CARMIL2: variants seen among roughly 807,000 people sequenced by gnomAD.
CARMIL2 encodes the protein capping protein regulator and myosin 1 linker 2.
In CARMIL2, 96 loss-of-function variants were observed where a neutral mutation model predicts 173.3. The ratio of observed to expected loss-of-function variants is 0.55; its 90% confidence interval spans 0.47 to 0.66. CARMIL2 has a LOEUF of 0.66. Among genes scored for constraint, CARMIL2 ranks in the 30% least tolerant of loss-of-function variants. CARMIL2 has a pLI of 0.00. For synonymous variants in CARMIL2, 830 were observed against 817.1 expected (o/e 1.02, Z -0.27); for missense variants, 1,771 against 1,906.7 (o/e 0.93, Z 1.33).
rs752246007 is a variant in CARMIL2 at position 67,652,254 on chromosome 16, C to G, written c.2732C>G (p.Pro911Arg). 6.2e-7 allele frequency: 1 copy of G among 1,613,188 alleles called. No homozygotes were observed. The highest frequency in any genetic ancestry group is 1.1e-5 in the South Asian group (1 of 91,086). Reference protein sequence around the residue: ...TVTMPPALPAPDGGEPSLLEP... With the variant: ...TVTMPPALPARDGGEPSLLEP... ...ACAATGCCCCCTGCCCTACCAGCAC[C>G]GGATGGAGGTGAGCCCAGCCTCCTT... is the stretch of plus-strand genomic sequence containing the variant. Residue 911 changes from proline to arginine, a missense_variant, in exon 27 of 38, where the codon CCG becomes CGG. Transcript: ENST00000334583. This position sits in a 1 kb window ranked among gnomAD's most constrained non-coding sequence, Gnocchi z 4.7.
At chr16:67,645,816 A>C (rs1431942905) in intron 3 of CARMIL2, 39 bp downstream of exon 3, 1 of 1,607,628 alleles carries the variant, frequency 6.2e-7, no homozygotes, top group South Asian at 1.1e-5. Flanking sequence ...GCCCGCCAGC[A>C]GCTACCTTGG....
At position 67,657,519 on chromosome 16, in the gene CARMIL2, T is replaced by C. The variant is rs2052891222; in HGVS notation, c.*1T>C. On this transcript the variant is annotated 3_prime_UTR_variant, in exon 38 of 38. Transcript: ENST00000334583. This position sits in a 1 kb window ranked among gnomAD's most constrained non-coding sequence, Gnocchi z 4.5. ...AAGAGGCGGCGGCCCCAATCCCTGA[T>C]CCTCTCCTCTCCTGCCGCATGAGAT... 4.3e-6 allele frequency: 7 copies of C among 1,613,378 alleles called. No individual in the cohort carries two copies. Among genetic ancestry groups the C allele is most frequent in the Non-Finnish European group, 5.1e-6 (6 of 1,179,620 alleles).
Position 67,647,280 on chromosome 16 carries a change from G to C in CARMIL2, c.688-19G>C. Reference sequence around the variant, plus strand: ...AGGGCCAGGGTGCAGCCCGTGAGCCGCCGCCCTCTGCTTCTCAGAGCCTTG... The same window carrying C: ...AGGGCCAGGGTGCAGCCCGTGAGCCCCCGCCCTCTGCTTCTCAGAGCCTTG... On this transcript the variant is annotated intron_variant, in intron 9 of 37. Transcript: ENST00000334583. 6 of 1,608,066 alleles carry C rather than the reference G, an allele frequency of 3.7e-6. No individual in the cohort carries two copies. The South Asian group carries it at 6.6e-5, about 18-fold the overall frequency.
Position 67,656,930 on chromosome 16 carries a change from G to A in CARMIL2, c.4117+49G>A, listed in dbSNP as rs143248901. 7.2e-5 allele frequency: 103 copies of A among 1,430,776 alleles called. 1 individual carries two copies. In the East Asian group the frequency reaches 2.6e-3, roughly 36 times the overall value. The allele number at this position is 1,430,776 out of a possible 1,614,324, so 88.6% of individuals were successfully genotyped here. On this transcript the variant is annotated intron_variant, in intron 36 of 37. Coordinates refer to ENST00000334583, the MANE Select transcript of CARMIL2 (RefSeq NM_001013838.3). Reference sequence around the variant, plus strand: ...TGCTTGAATGCAGGAGATGTGGGAGGGTGGGCTTCTGGGGCTCCCTTCATA... The same window carrying A: ...TGCTTGAATGCAGGAGATGTGGGAGAGTGGGCTTCTGGGGCTCCCTTCATA...
Position 67,656,554 on chromosome 16 carries a change from C to G in CARMIL2, c.3945C>G (p.Ser1315=), listed in dbSNP as rs776754379. ...WGQQDGPGPP[S]PGQSPSPCRT... is the part of the protein sequence containing the mutation. ...AACAGGATGGTCCAGGCCCTCCCTC[C>G]CCTGGTCAAAGCCCAAGTCCCTGCA... Residue 1315 remains serine (S), a synonymous_variant, in exon 35 of 38, where the codon TCC becomes TCG. Coordinates refer to ENST00000334583, the MANE Select transcript of CARMIL2 (RefSeq NM_001013838.3). 18 of 1,613,250 alleles carry G rather than the reference C, an allele frequency of 1.1e-5. No individual in the cohort carries two copies. In the East Asian group the frequency reaches 4.0e-4, roughly 36 times the overall value.
Position 67,654,089 on chromosome 16 carries a change from G to T in CARMIL2, c.3121-60G>T, listed in dbSNP as rs1049876176. 3.8e-4 allele frequency: 424 copies of T among 1,110,556 alleles called. 8 individuals carry two copies. Among genetic ancestry groups the T allele is most frequent in the South Asian group, 2.4e-3 (154 of 63,902 alleles). 68.8% of individuals were successfully genotyped at this position (1,110,556 alleles called of 1,614,324 possible). A position where few individuals can be genotyped will look rare whatever the true frequency, so the allele number is the denominator to read the frequency against. On this transcript the variant is annotated intron_variant, in intron 29 of 37. Transcript: ENST00000334583. The stretch of plus-strand genomic sequence containing the variant: ...AGTCCAGGCTGCCGGCCGGGGGGGG[G>T]GGGGGGTAGAAGCCAGAGTTGCACT...
Position 67,648,556 on chromosome 16 carries a change from C to T in CARMIL2, c.1439+54C>T. The T allele has an allele frequency of 6.8e-7, 1 of 1,467,100 alleles. No individual in the cohort carries two copies. The highest frequency in any genetic ancestry group is 1.3e-5 in the South Asian group (1 of 76,618). The allele number at this position is 1,467,100 out of a possible 1,614,324, so 90.9% of individuals were successfully genotyped here. A position where few individuals can be genotyped will look rare whatever the true frequency, so the allele number is the denominator to read the frequency against. ...GCGGGCGCTCCCACCCTGCCCTGGC[C>T]TTCGCCCCTCCCCGCTCCTGCTTCT... On this transcript the variant is annotated intron_variant, in intron 15 of 37. Coordinates refer to ENST00000334583, the MANE Select transcript of CARMIL2 (RefSeq NM_001013838.3). The surrounding 1 kb of genome is among the most constrained non-coding windows in gnomAD (Gnocchi z 6.1).
rs1372728652 is a variant in CARMIL2, at chr16:67,657,242, G to T, written c.4121G>T (p.Arg1374Leu). The T allele has an allele frequency of 6.2e-7, 1 of 1,613,600 alleles. No homozygotes were observed. Among genetic ancestry groups the T allele is most frequent in the Non-Finnish European group, 8.5e-7 (1 of 1,179,754 alleles). The change falls in exon 37 of 38, where the codon CGG becomes CTG. Residue 1374 changes from arginine (R) to leucine (L), a missense_variant. Transcript: ENST00000334583. This position sits in a 1 kb window ranked among gnomAD's most constrained non-coding sequence, Gnocchi z 4.5. ...HEDQLQAPAE[R>L]PLRLQRSPVL... is the part of the protein sequence containing the mutation. ...CAAGCCTTTCTGTGTCCCTTAGAAC[G>T]GCCCCTGAGGCTGCAGCGCTCCCCC... is the stretch of plus-strand genomic sequence containing the variant.
At position 67,648,433 on chromosome 16, in the gene CARMIL2, T is replaced by C. The variant is rs1035056363; in HGVS notation, c.1370T>C (p.Phe457Ser). Residue 457 changes from phenylalanine (F) to serine (S), a missense_variant, in exon 15 of 38, where the codon TTC becomes TCC. Physicochemically the swap from Phe to Ser is radical, Grantham distance 155. Coordinates refer to ENST00000334583, the MANE Select transcript of CARMIL2 (RefSeq NM_001013838.3). The surrounding 1 kb of genome is among the most constrained non-coding windows in gnomAD (Gnocchi z 6.1). ...GCCGCGCCGGCCGCGCTGCAGCTCTTCCTCAGCCGCGCGCGGACGCTGCGG... is the reference window on the plus strand; with the variant it reads ...GCCGCGCCGGCCGCGCTGCAGCTCTCCCTCAGCCGCGCGCGGACGCTGCGG... ...SRAAPAALQLFLSRARTLRHL... is the reference protein window; with the variant it reads ...SRAAPAALQLSLSRARTLRHL... 1.2e-5 allele frequency: 18 copies of C among 1,508,200 alleles called. No homozygotes were observed. The Admixed American group carries it at 2.0e-4, about 17-fold the overall frequency. 93.4% of individuals were successfully genotyped at this position (1,508,200 alleles called of 1,614,324 possible).
At position 67,647,939 on chromosome 16, in the gene CARMIL2, G is replaced by A. The variant is rs768282676; in HGVS notation, c.1052G>A (p.Gly351Glu). The A allele has an allele frequency of 2.5e-6, 4 of 1,608,978 alleles. No homozygotes were observed. The East Asian group carries it at 6.7e-5, about 27-fold the overall frequency. ...CTTTCTGGGAATCCTGGGGCGCTGG[G>A]GGCCTCCGAGGACAGTGGGGTGAGT... ...LDLSGNPGAL[G>E]ASEDSGGLYS... The change falls in exon 13 of 38, where the codon GGG becomes GAG. Residue 351 changes from glycine to glutamate, a missense_variant. By Grantham distance (98) the Gly-to-Glu change is moderately conservative. Around this residue, in one of 3 missense-constraint regions of CARMIL2, gnomAD observed 944 missense variants for 975.6 expected, o/e 0.97. Transcript: ENST00000334583.
Position 67,654,403 on chromosome 16 carries a change from T to G in CARMIL2, c.3293T>G (p.Leu1098Arg), listed in dbSNP as rs2052794259. Residue 1098 changes from leucine (L) to arginine (R), a missense_variant, in exon 31 of 38, where the codon CTG becomes CGG. By Grantham distance (102) the Leu-to-Arg change is moderately radical (BLOSUM62 -2). Transcript: ENST00000334583. ...TPVPRTLRKK[L>R]GTLFAFKKPR... ...GTCCCCCGTACACTGCGAAAGAAGC[T>G]GGGCACCCTCTTTGCCTTCAAGAAG... is the stretch of plus-strand genomic sequence containing the variant. 6.2e-7 allele frequency: 1 copy of G among 1,610,326 alleles called. No individual in the cohort carries two copies. The highest frequency in any genetic ancestry group is 1.3e-5 in the African/African-American group (1 of 74,844).
At position 67,650,038 on chromosome 16, in the gene CARMIL2, C is replaced by T. The variant is rs116162519; in HGVS notation, c.2083-11C>T. On this transcript the variant is annotated splice_polypyrimidine_tract_variant and intron_variant, in intron 21 of 37. Coordinates refer to ENST00000334583, the MANE Select transcript of CARMIL2 (RefSeq NM_001013838.3). ...CGTCCCTCGGCATTTCTCAATACCC[C>T]TTGCCCCTAGATCCAAGCCTGTCTC... 6.2e-7 allele frequency: 1 copy of T among 1,613,576 alleles called. No individual in the cohort carries two copies. The highest frequency in any genetic ancestry group is 8.5e-7 in the Non-Finnish European group (1 of 1,179,776).
chr16:67,649,763 C>T lies in CARMIL2; in HGVS notation c.1920-43C>T, dbSNP rs926292100. On this transcript the variant is annotated intron_variant, in intron 20 of 37. Transcript: ENST00000334583. The surrounding 1 kb of genome is among the most constrained non-coding windows in gnomAD (Gnocchi z 6.7). ...GGACTAGGCCGAGGGTTGGGTGGGG[C>T]GTTGGGAAGCTCCGTCCCCGACTGA... 1.9e-6 allele frequency: 3 copies of T among 1,591,488 alleles called. No homozygotes were observed. The highest frequency in any genetic ancestry group is 2.7e-5 in the African/African-American group (2 of 74,612).
rs954012468 is a variant in CARMIL2 at position 67,653,764 on chromosome 16, G to C, written c.3121-385G>C. Among the ~76,000 whole-genome samples, 1 of 151,834 alleles carries C rather than the reference G, an allele frequency of 6.6e-6. No individual in the cohort carries two copies. Among genetic ancestry groups the C allele is most frequent in the African/African-American group, 2.4e-5 (1 of 41,386 alleles). ...AGCAGCCGGCGCCACTGAGCCGGCA[G>C]CAGGCCGGGTGGAGTGGGGGTGGGG... On this transcript the variant is annotated intron_variant, in intron 29 of 37. Coordinates refer to ENST00000334583, the MANE Select transcript of CARMIL2 (RefSeq NM_001013838.3). This position sits in a 1 kb window ranked among gnomAD's most constrained non-coding sequence, Gnocchi z 7.4.
chr16:67,652,943 C>A lies in CARMIL2; in HGVS notation c.2885-76C>A. On this transcript the variant is annotated intron_variant, in intron 28 of 37. Coordinates refer to ENST00000334583, the MANE Select transcript of CARMIL2 (RefSeq NM_001013838.3). The surrounding 1 kb of genome is among the most constrained non-coding windows in gnomAD (Gnocchi z 4.7). ...GCCCCTCCCCGCGCCCTGGGCGGGT[C>A]CCCCGCCGCCCTAGCGCCTCCGCCG... is the stretch of plus-strand genomic sequence containing the variant. The A allele has an allele frequency of 3.1e-6, 2 of 648,870 alleles. No individual in the cohort carries two copies. The highest frequency in any genetic ancestry group is 2.1e-6 in the Non-Finnish European group (1 of 477,918). The allele number at this position is 648,870 out of a possible 1,614,324, so 40.2% of individuals were successfully genotyped here. A position where few individuals can be genotyped will look rare whatever the true frequency, so the allele number is the denominator to read the frequency against.
chr16:67,653,691 C>T lies in CARMIL2; in HGVS notation c.3120+437C>T, dbSNP rs2052773553. ...AGCCCGCGGGGGCAGCGGGCACTGG[C>T]GGAGGGCGGGGAGGAGCCGGCTTGA... On this transcript the variant is annotated intron_variant, in intron 29 of 37. Transcript: ENST00000334583. This position sits in a 1 kb window ranked among gnomAD's most constrained non-coding sequence, Gnocchi z 7.4. 6.7e-6 allele frequency among the ~76,000 whole-genome samples: 1 copy of T among 148,544 alleles called. No individual in the cohort carries two copies. The highest frequency in any genetic ancestry group is 2.3e-4 in the South Asian group (1 of 4,412).
chr16:67,654,832 G>T lies in CARMIL2; in HGVS notation c.3637G>T (p.Val1213Leu). 6.2e-7 allele frequency: 1 copy of T among 1,613,698 alleles called. No individual in the cohort carries two copies. ...ACTGGCTCCATCCTTTGAACAGCGG[G>T]TACAAGTAATGCTGCAGAGGATAGG... ...TELAPSFEQR[V>L]QVMLQRIGVS... Residue 1213 changes from valine to leucine, a missense_variant, in exon 32 of 38, where the codon GTA (valine) becomes TTA (leucine). Physicochemically the swap from Val to Leu is conservative, Grantham distance 32. Around this residue, in one of 3 missense-constraint regions of CARMIL2, gnomAD observed 817 missense variants for 903.5 expected, o/e 0.90. Coordinates refer to ENST00000334583, the MANE Select transcript of CARMIL2 (RefSeq NM_001013838.3).
chr16:67,656,316 G>A lies in CARMIL2; in HGVS notation c.3814+17G>A, dbSNP rs371640279. 1 of 1,613,762 alleles carries A rather than the reference G, an allele frequency of 6.2e-7. No individual in the cohort carries two copies. The highest frequency in any genetic ancestry group is 1.1e-5 in the South Asian group (1 of 91,074). ...TGTCTGCTGGTGAGTGAGGGCCACT[G>A]TGTGTGTTGGTAGTGGGAGCAGGGA... On this transcript the variant is annotated intron_variant, in intron 34 of 37. Transcript: ENST00000334583.
chr16:67,656,767 G>A (rs772194666), intron 35 of CARMIL2, 34 bp from the exon 36 acceptor site: 29 of 1,551,932 alleles, frequency 1.9e-5, no homozygotes, highest in African/African-American at 2.7e-5. Context: ...GGGGGCAGCT[G>A]TTGGAATACC....
Sources: allele counts gnomAD v4.1 joint callset (sites outside exome capture counted in the v4.1 genomes callset), GRCh38; gene constraint gnomAD v4.1.1; regional missense constraint gnomAD v4.1.1; non-coding constraint Gnocchi (gnomAD v3.1); transcripts MANE v1.5; gene names NCBI Gene and HGNC (gene_info 2026-07-23, HGNC 2026-07-21).